The following KDM7A variants were observed in gnomAD, a reference collection of about 807,000 sequenced individuals.
KDM7A encodes the protein lysine-specific demethylase 7A.
In KDM7A, 28 loss-of-function variants were observed where a neutral mutation model predicts 114.8. The ratio of observed to expected loss-of-function variants is 0.24; its 90% CI spans 0.18 to 0.33. The LOEUF (loss-of-function observed/expected upper bound fraction) is 0.33. Ranked by LOEUF, KDM7A falls within the 10% of genes least tolerant of loss-of-function variation. KDM7A has a pLI of 1.00. For synonymous variants in KDM7A, 423 were observed against 397.8 expected, an observed-to-expected ratio of 1.06 and a Z score of -0.75; for missense variants, 942 against 1,142.5, an observed-to-expected ratio of 0.82 and a Z score of 2.53.
In KDM7A at chr7:140,176,255, G is replaced by A. The variant is rs1189826098; in HGVS notation, c.194+489C>T. ...GCGGCGCGGAGGAGACGCGGGGCCG[G>A]GGCGACCCCATCGCCGCCCGGAAGG... On this transcript the variant is annotated intron_variant, in intron 1 of 19. Transcript: ENST00000397560. The surrounding 1 kb of genome is among the most constrained non-coding windows in gnomAD (Gnocchi z 4.4). Among the ~76,000 whole-genome samples, 1 of 150,808 alleles carries A rather than the reference G, an allele frequency of 6.6e-6. No individual in the cohort carries two copies. The highest frequency in any genetic ancestry group is 2.4e-5 in the African/African-American group (1 of 41,242).
intron 11 of KDM7A, among the ~76,000 whole-genome samples, chr7:140,106,499 T>C (rs931409953): frequency 3.9e-5 from 6 of 152,242 alleles, no homozygotes; most frequent in Admixed American, 6.5e-5. Flanking sequence ...TTTGTTCTCA[T>C]TGGTTTCAAA....
intron 11 of KDM7A, among the ~76,000 whole-genome samples, chr7:140,103,798 T>C (rs551523608): frequency 6.6e-6 from 1 of 152,354 alleles, no homozygotes; most frequent in African/African-American, 2.4e-5. Flanking sequence ...TATAGCAGCA[T>C]GACTTATAAT....
At chr7:140,145,262 T>G (rs377121488) in intron 1 of KDM7A, among the ~76,000 whole-genome samples, 1 of 152,136 alleles carries the variant, frequency 6.6e-6, no homozygotes, top group Non-Finnish European at 1.5e-5. Context: ...GTTCCTGATA[T>G]TTACAAGGGA....
At chr7:140,101,913 C>A (rs543718742) in intron 12 of KDM7A, 38 bp downstream of exon 12, 1 of 1,380,234 alleles carries the variant, frequency 7.2e-7, no homozygotes, top group Non-Finnish European at 1.0e-6. Context: ...TAAGGAACAG[C>A]CAAGTTTCTT....
At chr7:140,115,404 TGTAGAAAGAA>T (rs1818510047) in intron 9 of KDM7A, among the ~76,000 whole-genome samples, 1 of 152,236 alleles carries the variant, frequency 6.6e-6, no homozygotes, top group African/African-American at 2.4e-5. Context: ...GCTGTGTCTG[TGTAGAAAGAA>T]GTAGACATGG....
chr7:140,154,419 G>A (rs1026107001), intron 1 of KDM7A, among the ~76,000 whole-genome samples: 2 of 151,090 alleles, frequency 1.3e-5, no homozygotes, highest in Admixed American at 6.6e-5. Context: ...GCTTGAGCCC[G>A]GGAGTTTGAG....
chr7:140,172,280 T>C (rs1351698809), intron 1 of KDM7A, among the ~76,000 whole-genome samples: 1 of 152,236 alleles, frequency 6.6e-6, no homozygotes, highest in African/African-American at 2.4e-5. Flanking sequence ...ACTCATTTTA[T>C]TTATTCTAAG....
chr7:140,135,147 C>A lies in KDM7A; in HGVS notation c.281-1491G>T, dbSNP rs1818846694. ...TTATTTTTTCTCATTTAAAATCACT[C>A]CTAAATTTGAGTGTATTTCATTCCA... On this transcript the variant is annotated intron_variant, in intron 2 of 19. Coordinates refer to ENST00000397560, the MANE Select transcript of KDM7A (RefSeq NM_030647.2). Among the ~76,000 whole-genome samples, 3 of 151,322 alleles carry A rather than the reference C, an allele frequency of 2.0e-5. No individual in the cohort carries two copies. The South Asian group carries it at 6.2e-4, about 31-fold the overall frequency.
intron 19 of KDM7A, among the ~76,000 whole-genome samples, chr7:140,091,401 T>G (rs1197604925): frequency 2.6e-5 from 4 of 152,236 alleles, no homozygotes; most frequent in Non-Finnish European, 4.4e-5. Flanking sequence ...CAGTCTGGTC[T>G]GCCTGCTCTT....
intron 2 of KDM7A, among the ~76,000 whole-genome samples, chr7:140,135,364 G>T (rs988851551): frequency 2.6e-5 from 4 of 151,774 alleles, no homozygotes; most frequent in South Asian, 4.2e-4. Context: ...CACCACATTC[G>T]GCTAATTTTT....
At chr7:140,106,839 CTTG>C (rs1818345343) in intron 11 of KDM7A, among the ~76,000 whole-genome samples, 1 of 152,128 alleles carries the variant, frequency 6.6e-6, no homozygotes, top group Admixed American at 6.5e-5. Context: ...CCTGGATATT[CTTG>C]TTAACTTTCT....
intron 1 of KDM7A, among the ~76,000 whole-genome samples, chr7:140,143,744 G>C (rs559238002): frequency 2.6e-3 from 403 of 152,168 alleles, no homozygotes; most frequent in Middle Eastern, 6.8e-3. Context: ...ATCCCAAAAG[G>C]TCAAAACCAA....
At position 140,120,450 on chromosome 7, in the gene KDM7A, C is replaced by T; in HGVS notation, c.1131G>A (p.Met377Ile). The change falls in exon 8 of 20, where the codon ATG becomes ATA. Residue 377 changes from methionine (M) to isoleucine (I), a missense_variant. Physicochemically the swap from Met to Ile is conservative, Grantham distance 10. Transcript: ENST00000397560. ...GNFLHNLNIG[M>I]QLRCYEMEKR... Reference sequence around the variant, plus strand: ...ATACTGATGACACAAACCTGAGCTGCATGCCAATGTTAAGGTTGTGCAGGA... The same window carrying T: ...ATACTGATGACACAAACCTGAGCTGTATGCCAATGTTAAGGTTGTGCAGGA... 1 of 1,605,754 alleles carries T rather than the reference C, an allele frequency of 6.2e-7. No individual in the cohort carries two copies. The highest frequency in any genetic ancestry group is 8.5e-7 in the Non-Finnish European group (1 of 1,172,544).
intron 1 of KDM7A, among the ~76,000 whole-genome samples, chr7:140,152,490 G>A (rs780595954): frequency 2.0e-5 from 3 of 152,030 alleles, no homozygotes; most frequent in Non-Finnish European, 2.9e-5. Context: ...TGGCCGTGGT[G>A]GGACACACTT....
chr7:140,106,099 G>A (rs571231221), intron 11 of KDM7A, among the ~76,000 whole-genome samples: 14 of 152,322 alleles, frequency 9.2e-5, no homozygotes, highest in African/African-American at 2.9e-4. Context: ...AGTATTCTCT[G>A]ATGGTAGTTT....
chr7:140,127,701 T>A, intron 4 of KDM7A, 118 bp from the exon 5 acceptor site: 1 of 876,186 alleles, frequency 1.1e-6, no homozygotes, highest in Non-Finnish European at 1.8e-6. Flanking sequence ...CTATGTAGTC[T>A]AGACAAATAT....
At chr7:140,091,675 G>T in intron 19 of KDM7A, 129 bp downstream of exon 19, 1 of 997,684 alleles carries the variant, frequency 1.0e-6, no homozygotes, top group Non-Finnish European at 1.5e-6. Context: ...TGTGTATACT[G>T]CCATCACTAT....
chr7:140,133,508 C>T (rs774904474), intron 3 of KDM7A, 31 bp downstream of exon 3: 1 of 1,233,862 alleles, frequency 8.1e-7, no homozygotes, highest in African/African-American at 1.5e-5. Flanking sequence ...TACATTCTTA[C>T]ATTTTCTTTT....
At chr7:140,146,274 C>G (rs1175219602) in intron 1 of KDM7A, among the ~76,000 whole-genome samples, 1 of 152,088 alleles carries the variant, frequency 6.6e-6, no homozygotes, top group South Asian at 2.1e-4. Context: ...CATTCCTAAA[C>G]CAAGAATTAT....
Sources: allele counts gnomAD v4.1 joint callset (sites outside exome capture counted in the v4.1 genomes callset), GRCh38; gene constraint gnomAD v4.1.1; non-coding constraint Gnocchi (gnomAD v3.1); transcripts MANE v1.5; gene names NCBI Gene and HGNC (gene_info 2026-07-23, HGNC 2026-07-21).